DST: variants seen among roughly 807,000 people sequenced by gnomAD.
DST encodes the protein dystonin, also known as bullous pemphigoid antigen.
A neutral mutation model predicts 875.2 loss-of-function variants in DST; 253 were observed. The observed-to-expected ratio is 0.29, with a 90% CI of 0.26 to 0.32. DST has a LOEUF of 0.32. Among genes scored for constraint, DST ranks in the 10% least tolerant of loss-of-function variants. The pLI is 1.00. For synonymous variants in DST, 3,124 were observed against 3,197.1 expected (o/e 0.98, Z 0.77); for missense variants, 8,287 against 9,111.6 (o/e 0.91, Z 3.68).
chr6:56,703,159 TAA>T (rs2099317916), intron 7 of DST, among the ~76,000 whole-genome samples: 1 of 152,130 alleles, frequency 6.6e-6, no homozygotes, highest in African/African-American at 2.4e-5. Flanking sequence ...ATTAGAGAGG[TAA>T]AACATGTCCA....
Position 56,607,420 on chromosome 6 carries a change from A to G in DST, c.7208T>C (p.Met2403Thr). The change falls in exon 40 of 104, where the codon ATG becomes ACG. Residue 2403 changes from methionine to threonine, a missense_variant. Around this residue, in one of 10 missense-constraint regions of DST, gnomAD observed 3,138 missense variants for 3,116.6 expected, o/e 1.01. Transcript: ENST00000680361. ...FPSDLIENPI[M>T]KSKMSKFCGV... is the part of the protein sequence containing the mutation. The stretch of plus-strand genomic sequence containing the variant: ...ACAGAATTTACTCATTTTTGATTTC[A>G]TAATAGGATTTTCTATTAAATCACT... The G allele has an allele frequency of 6.2e-7, 1 of 1,611,222 alleles. No individual in the cohort carries two copies. The highest frequency in any genetic ancestry group is 8.5e-7 in the Non-Finnish European group (1 of 1,178,644).
At chr6:56,739,936 G>C (rs545108779) in intron 4 of DST, among the ~76,000 whole-genome samples, 6 of 152,076 alleles carry the variant, frequency 3.9e-5, no homozygotes, top group Admixed American at 3.3e-4. Context: ...TTCTCAGCTC[G>C]CTACAACCTC....
At chr6:56,575,130 C>T (rs966958972) in intron 50 of DST, among the ~76,000 whole-genome samples, 24 of 151,630 alleles carry the variant, frequency 1.6e-4, no homozygotes, top group Admixed American at 2.6e-4. Context: ...TTAATATGCA[C>T]GAAAATGCCA....
intron 4 of DST, among the ~76,000 whole-genome samples, chr6:56,756,121 C>T (rs534350359): frequency 5.1e-4 from 77 of 152,268 alleles, no homozygotes; most frequent in Middle Eastern, 3.4e-3. Context: ...GAGGTGCATT[C>T]AGTGAATAAG....
At chr6:56,679,709 T>C (rs2099148064) in intron 9 of DST, among the ~76,000 whole-genome samples, 2 of 151,740 alleles carry the variant, frequency 1.3e-5, no homozygotes, top group Admixed American at 6.6e-5. Flanking sequence ...GAGGTCAAGG[T>C]TGCAGTGAGC....
intron 9 of DST, among the ~76,000 whole-genome samples, chr6:56,686,747 T>G (rs895193542): frequency 1.8e-4 from 28 of 152,178 alleles, no homozygotes; most frequent in African/African-American, 5.8e-4. Context: ...GAGAAAGAAG[T>G]GTCCCGTTAA....
chr6:56,467,387 T>C (rs1258779785), intron 98 of DST: 1 of 152,138 alleles, frequency 6.6e-6, no homozygotes, highest in East Asian at 1.9e-4. Context: ...AGAAAGCATG[T>C]AAAATGCACC....
chr6:56,487,341 C>T (rs2095601948), intron 86 of DST, 68 bp from the exon 87 acceptor site: 1 of 1,308,720 alleles, frequency 7.6e-7, no homozygotes, highest in South Asian at 1.8e-5. Context: ...GAGGCATTAA[C>T]AGAGGCATCC....
At chr6:56,886,525 C>T (rs1468406828) in intron 3 of DST, among the ~76,000 whole-genome samples, 1 of 152,194 alleles carries the variant, frequency 6.6e-6, no homozygotes, top group African/African-American at 2.4e-5. Context: ...CCTGTAATCC[C>T]AGCATTTTGG....
chr6:56,722,368 G>GTTATTTATTTATTTA (rs1554672068), intron 5 of DST, among the ~76,000 whole-genome samples: 2,463 of 150,698 alleles, frequency 0.016, 55 homozygotes, highest in African/African-American at 0.055. Flanking sequence ...GTACATGTTT[G>GTTATTTATTTATTTA]TTTATTTATT....
chr6:56,581,051 TAAAAAAAAAAA>T (rs771314105), intron 49 of DST, among the ~76,000 whole-genome samples: 47 of 90,696 alleles, frequency 5.2e-4, no homozygotes, highest in East Asian at 1.5e-3. Context: ...TGGCATTTAT[TAAAAAAAAAAA>T]AAAAAAAAAA....
chr6:56,606,736 T>A lies in DST; in HGVS notation c.7892A>T (p.Asp2631Val). Residue 2631 changes from aspartate to valine, a missense_variant, in exon 40 of 104, where the codon GAT becomes GTT. This residue lies in a region of DST where 3,138 missense variants were observed against 3,116.6 expected (regional missense o/e 1.01). Transcript: ENST00000680361. ...DDHDSLLLDG[D>V]DRDCLHPEDY... is the part of the protein sequence containing the mutation. The stretch of plus-strand genomic sequence containing the variant: ...CTCAGGGTGCAGGCAATCACGATCA[T>A]CACCATCAAGAAGCAAAGAATCATG... 1.9e-6 allele frequency: 3 copies of A among 1,613,454 alleles called. No homozygotes were observed. In the South Asian group the frequency reaches 3.3e-5, roughly 18 times the overall value.
At chr6:56,867,220 T>A (rs1350830296) in intron 3 of DST, among the ~76,000 whole-genome samples, 3 of 152,194 alleles carry the variant, frequency 2.0e-5, no homozygotes, top group African/African-American at 4.8e-5. Context: ...ACTTAAACTT[T>A]CTAAGCTTTG....
chr6:56,914,481 T>C lies in DST; in HGVS notation c.217-13860A>G, dbSNP rs926493809. ...CAACAGGGAAGGGCTAGTGATTGCT[T>C]CAACTAGGGACAACTCTGAAACTTC... On this transcript the variant is annotated intron_variant, in intron 2 of 103. Coordinates refer to ENST00000680361, the MANE Select transcript of DST (RefSeq NM_001374736.1). Among the ~76,000 whole-genome samples the C allele has an allele frequency of 3.4e-4, 52 of 152,244 alleles. 1 individual carries two copies. Among genetic ancestry groups the C allele is most frequent in the African/African-American group, 1.2e-3 (49 of 41,522 alleles).
intron 4 of DST, among the ~76,000 whole-genome samples, chr6:56,740,312 C>A (rs926806067): frequency 6.6e-6 from 1 of 152,200 alleles, no homozygotes; most frequent in African/African-American, 2.4e-5. Context: ...AGAGAAAGCA[C>A]TAGTCTTGGT....
chr6:56,511,074 A>T, intron 73 of DST, 123 bp downstream of exon 73: 1 of 823,128 alleles, frequency 1.2e-6, no homozygotes. Context: ...ACAGACATCA[A>T]TACTCAAGAG....
At chr6:56,852,065 T>C in intron 3 of DST, 1 of 1,403,564 alleles carries the variant, frequency 7.1e-7, no homozygotes, top group Non-Finnish European at 9.2e-7. Flanking sequence ...AAATGCAGGA[T>C]GTTGAGTCCC....
intron 9 of DST, among the ~76,000 whole-genome samples, chr6:56,674,775 T>TAGATATCCC (rs1279604887): frequency 1.3e-5 from 2 of 152,194 alleles, no homozygotes; most frequent in African/African-American, 2.4e-5. Context: ...AATAAATGGA[T>TAGATATCCC]AGATATCCCA....
At chr6:56,521,666 T>G (rs1246882703) in intron 69 of DST, among the ~76,000 whole-genome samples, 1 of 148,554 alleles carries the variant, frequency 6.7e-6, no homozygotes, top group Non-Finnish European at 1.5e-5. Flanking sequence ...CTGAGAAACT[T>G]TTAAAATTAA....
Sources: gnomAD v4.1 joint callset for allele counts (sites outside exome capture counted in the v4.1 genomes callset) on GRCh38, gnomAD v4.1.1 for gene constraint, gnomAD v4.1.1 regional missense constraint, MANE v1.5 for transcripts, NCBI Gene and HGNC (gene_info 2026-07-23, HGNC 2026-07-21) for gene names.